MARCHF10: variants seen among roughly 807,000 people sequenced by gnomAD.
MARCHF10 encodes the protein membrane associated ring-CH-type finger 10.
A neutral mutation model predicts 76.2 loss-of-function variants in MARCHF10; 64 were observed. That is an observed-to-expected ratio of 0.84 (90% confidence interval 0.69 to 1.03). The LOEUF (loss-of-function observed/expected upper bound fraction) is 1.03. Ranked by LOEUF, MARCHF10 falls within the 50% of genes least tolerant of loss-of-function variation. The pLI is 0.00. For synonymous variants in MARCHF10, 340 were observed against 357.5 expected, an observed-to-expected ratio of 0.95 and a Z score of 0.55; for missense variants, 875 against 958.0, an observed-to-expected ratio of 0.91 and a Z score of 1.14.
Position 62,759,872 on chromosome 17 carries a change from C to T in MARCHF10, c.345G>A (p.Arg115=). 2 of 1,614,106 alleles carry T rather than the reference C, an allele frequency of 1.2e-6. No homozygotes were observed. Among genetic ancestry groups the T allele is most frequent in the Non-Finnish European group, 1.7e-6 (2 of 1,180,022 alleles). The part of the protein sequence containing the change: ...KQKHKSTMTV[R]KAEKVDPSEP... ...CGCTGGGGTCCACTTTCTCTGCTTT[C>T]CTTACAGTCATGGTACTTTTATGTT... The change falls in exon 4 of 11, where the codon AGG becomes AGA. Residue 115 remains arginine, a synonymous_variant. Coordinates refer to ENST00000311269, the MANE Select transcript of MARCHF10 (RefSeq NM_152598.4).
chr17:62,784,969 C>T (rs2092721884), intron 3 of MARCHF10, among the ~76,000 whole-genome samples: 1 of 152,090 alleles, frequency 6.6e-6, no homozygotes, highest in Admixed American at 6.6e-5. Context: ...TTTATAGATT[C>T]AATGCCATCC....
chr17:62,717,302 C>T (rs1291268426), intron 8 of MARCHF10, among the ~76,000 whole-genome samples: 1 of 152,234 alleles, frequency 6.6e-6, no homozygotes. Flanking sequence ...CTGGCTCTCC[C>T]CACAGGGCGG....
In MARCHF10 at chr17:62,713,081, C is replaced by T. The variant is rs568895820; in HGVS notation, c.2215-1737G>A. ...TTTAATTGCCTCCTCCTGCCCTCCC[C>T]GTGAGTCTGTGCCTGCCTCCGACTG... On this transcript the variant is annotated intron_variant, in intron 8 of 10. Coordinates refer to ENST00000311269, the MANE Select transcript of MARCHF10 (RefSeq NM_152598.4). Among the ~76,000 whole-genome samples, 27 of 152,240 alleles carry T rather than the reference C, an allele frequency of 1.8e-4. No individual in the cohort carries two copies. The South Asian group carries it at 3.9e-3, about 22-fold the overall frequency.
chr17:62,702,164 A>G (rs1480242261), intron 10 of MARCHF10, among the ~76,000 whole-genome samples: 2 of 151,008 alleles, frequency 1.3e-5, no homozygotes, highest in African/African-American at 2.5e-5. Context: ...TCAGAAATCA[A>G]TGGCTGGATG....
chr17:62,721,390 G>A (rs1316217119), intron 8 of MARCHF10, among the ~76,000 whole-genome samples: 1 of 151,234 alleles, frequency 6.6e-6, no homozygotes, highest in Non-Finnish European at 1.5e-5. Context: ...CTGTGTCTTT[G>A]AAATTTGGTG....
chr17:62,784,610 T>C (rs1380438791), intron 3 of MARCHF10, among the ~76,000 whole-genome samples: 8 of 152,342 alleles, frequency 5.3e-5, no homozygotes, highest in African/African-American at 1.9e-4. Flanking sequence ...GACATGATTG[T>C]ATATTTAGAA....
intron 3 of MARCHF10, among the ~76,000 whole-genome samples, chr17:62,779,648 C>T (rs2092620358): frequency 1.3e-5 from 2 of 152,200 alleles, no homozygotes; most frequent in African/African-American, 4.8e-5. Context: ...AAGCATTGTG[C>T]TATGGATTAT....
chr17:62,739,016 G>T (rs547579712), intron 5 of MARCHF10, among the ~76,000 whole-genome samples: 2 of 152,236 alleles, frequency 1.3e-5, no homozygotes, highest in South Asian at 4.2e-4. Flanking sequence ...ATAGAAAAGG[G>T]GGCTGGGGGC....
chr17:62,757,912 G>A (rs1369042895), intron 4 of MARCHF10, among the ~76,000 whole-genome samples: 3 of 152,098 alleles, frequency 2.0e-5, no homozygotes, highest in Non-Finnish European at 2.9e-5. Context: ...TTTTGTCAGT[G>A]CTATAAGTTC....
chr17:62,793,912 TCAC>T (rs375579362), intron 2 of MARCHF10, among the ~76,000 whole-genome samples: 74 of 100,878 alleles, frequency 7.3e-4, no homozygotes, highest in African/African-American at 2.6e-3. Context: ...ACCTCCATCA[TCAC>T]CACCACCACC....
chr17:62,804,597 G>T (rs987004202), intron 1 of MARCHF10, among the ~76,000 whole-genome samples: 2 of 152,134 alleles, frequency 1.3e-5, no homozygotes, highest in African/African-American at 4.8e-5. Context: ...GCTGCAGAAG[G>T]TTGCGTAAAT....
chr17:62,802,311 C>G (rs984038006), intron 1 of MARCHF10, among the ~76,000 whole-genome samples: 1 of 152,134 alleles, frequency 6.6e-6, no homozygotes, highest in Non-Finnish European at 1.5e-5. Context: ...CCTCCGCCTC[C>G]CGGGTTCAAG....
chr17:62,770,160 G>A (rs370036378), intron 3 of MARCHF10, among the ~76,000 whole-genome samples: 2 of 152,110 alleles, frequency 1.3e-5, no homozygotes. Context: ...TAGGACTATG[G>A]CCTCCAGCTC....
In MARCHF10 at chr17:62,738,839, T is replaced by C. The variant is rs1196758208; in HGVS notation, c.536-1507A>G. ...CCTCTCAGGCCCCTCCTGGGTTTTA[T>C]AAACCCCAGTTAGAGATGCAGCAGC... On this transcript the variant is annotated intron_variant, in intron 5 of 10. Transcript: ENST00000311269. This position sits in a 1 kb window ranked among gnomAD's most constrained non-coding sequence, Gnocchi z 4.0. 6.6e-6 allele frequency among the ~76,000 whole-genome samples: 1 copy of C among 152,224 alleles called. No individual in the cohort carries two copies. Among genetic ancestry groups the C allele is most frequent in the African/African-American group, 2.4e-5 (1 of 41,454 alleles).
intron 8 of MARCHF10, among the ~76,000 whole-genome samples, chr17:62,721,898 T>G (rs888938638): frequency 6.6e-6 from 1 of 152,166 alleles, no homozygotes; most frequent in Non-Finnish European, 1.5e-5. Flanking sequence ...CTTGCCAGAA[T>G]TTTTTGGTAT....
chr17:62,771,919 C>A (rs2148015843), intron 3 of MARCHF10, among the ~76,000 whole-genome samples: 1 of 152,228 alleles, frequency 6.6e-6, no homozygotes, highest in East Asian at 1.9e-4. Context: ...AAAATGGGAT[C>A]TGGGAGCAGG....
At chr17:62,732,924 C>T (rs2091091626) in intron 6 of MARCHF10, among the ~76,000 whole-genome samples, 1 of 135,620 alleles carries the variant, frequency 7.4e-6, no homozygotes, top group African/African-American at 2.7e-5. Flanking sequence ...ACCTGGGAGG[C>T]GGAAGTTGCA....
chr17:62,765,472 A>T (rs139111394), intron 3 of MARCHF10, among the ~76,000 whole-genome samples: 25 of 151,696 alleles, frequency 1.6e-4, no homozygotes, highest in African/African-American at 5.8e-4. Flanking sequence ...TCCTGCCTAC[A>T]GGCTTCTCTC....
chr17:62,729,298 G>T (rs1034665050), intron 6 of MARCHF10, among the ~76,000 whole-genome samples: 4 of 151,740 alleles, frequency 2.6e-5, no homozygotes, highest in African/African-American at 9.7e-5. Flanking sequence ...AGAGAAGAAA[G>T]AATGTACAAC....
Sources: gnomAD v4.1 joint callset for allele counts (sites outside exome capture counted in the v4.1 genomes callset) on GRCh38, gnomAD v4.1.1 for gene constraint, Gnocchi (gnomAD v3.1) non-coding constraint, MANE v1.5 for transcripts, NCBI Gene and HGNC (gene_info 2026-07-23, HGNC 2026-07-21) for gene names.